Variants in SPSB4 observed in about 807,000 individuals in gnomAD.
The protein encoded by SPSB4 is SPRY domain-containing SOCS box protein 4.
Under a neutral mutation model 20.9 loss-of-function variants are expected in SPSB4, and 21 were observed. That is an observed-to-expected ratio of 1.01 (90% CI 0.71 to 1.45). The LOEUF (loss-of-function observed/expected upper bound fraction) is 1.45, where lower values mean the gene tolerates loss of function less well. SPSB4 is among the 40% of genes most tolerant of loss of function. The pLI, the probability that SPSB4 is intolerant of heterozygous loss-of-function variation, is 0.00. For synonymous variants in SPSB4, 207 were observed against 183.8 expected, an observed-to-expected ratio of 1.13 and a Z score of -1.02; for missense variants, 399 against 399.2, an observed-to-expected ratio of 1.00 and a Z score of 0.00.
At chr3:141,125,374 G>A (rs1255536126) in intron 2 of SPSB4, among the ~76,000 whole-genome samples, 2 of 152,188 alleles carry the variant, frequency 1.3e-5, no homozygotes, top group Non-Finnish European at 2.9e-5. Context: ...AATCAGACAG[G>A]AAGTGGCTGG....
At chr3:141,078,247 GAC>G (rs1379165578) in intron 2 of SPSB4, among the ~76,000 whole-genome samples, 2 of 152,226 alleles carry the variant, frequency 1.3e-5, no homozygotes, top group Non-Finnish European at 2.9e-5. Context: ...GCATGTGGAA[GAC>G]ACAGATCTCT....
chr3:141,098,038 G>C (rs1312702565), intron 2 of SPSB4, among the ~76,000 whole-genome samples: 3 of 152,148 alleles, frequency 2.0e-5, no homozygotes, highest in Non-Finnish European at 2.9e-5. Context: ...GGCCTGTCTG[G>C]TTCTCAAATC....
At chr3:141,057,640 C>T (rs1937679819) in intron 1 of SPSB4, among the ~76,000 whole-genome samples, 1 of 152,250 alleles carries the variant, frequency 6.6e-6, no homozygotes, top group African/African-American at 2.4e-5. Context: ...ACATCATGTC[C>T]CCTTGTGATA....
chr3:141,096,345 T>C (rs548581353), intron 2 of SPSB4, among the ~76,000 whole-genome samples: 39 of 152,346 alleles, frequency 2.6e-4, no homozygotes, highest in Admixed American at 2.6e-4. Context: ...CCTCCCATCA[T>C]CTGGACCTTA....
intron 2 of SPSB4, among the ~76,000 whole-genome samples, chr3:141,070,327 T>G (rs746308642): frequency 2.0e-4 from 31 of 152,130 alleles, no homozygotes; most frequent in Admixed American, 3.9e-4. Flanking sequence ...TGTTGTTGTT[T>G]TTTGTTTGTT....
At position 141,098,229 on chromosome 3, in the gene SPSB4, C is replaced by T. The variant is rs1174518033; in HGVS notation, c.694+31431C>T. Among the ~76,000 whole-genome samples, 3 of 152,316 alleles carry T rather than the reference C, an allele frequency of 2.0e-5. No individual in the cohort carries two copies. The East Asian group carries it at 5.8e-4, about 29-fold the overall frequency. ...AGCTGATAGGACCACTCCCACCTTA[C>T]TCCTCTTTGTTTTAGATGTTTCTGT... is the stretch of plus-strand genomic sequence containing the variant. On this transcript the variant is annotated intron_variant, in intron 2 of 2. Coordinates refer to ENST00000310546, the MANE Select transcript of SPSB4 (RefSeq NM_080862.3).
chr3:141,057,131 C>T (rs938121590), intron 1 of SPSB4, among the ~76,000 whole-genome samples: 1 of 152,168 alleles, frequency 6.6e-6, no homozygotes, highest in Admixed American at 6.5e-5. Flanking sequence ...TTTGTGAGCT[C>T]TTGGGGAAGA....
Position 141,094,619 on chromosome 3 carries a change from C to CT in SPSB4, c.694+27828dup, listed in dbSNP as rs1326926069. ...TTGGATATTGTGTTTACTCCTGGGC[C>CT]TTTTTTTAACCACCCCCAAAAGTCG... On this transcript the variant is annotated intron_variant, in intron 2 of 2. Transcript: ENST00000310546. 9.2e-5 allele frequency among the ~76,000 whole-genome samples: 14 copies of CT among 152,170 alleles called. No homozygotes were observed. In the South Asian group the frequency reaches 2.9e-3, roughly 32 times the overall value.
chr3:141,057,285 A>T lies in SPSB4; in HGVS notation c.-154+5293A>T, dbSNP rs373566208. 7.2e-5 allele frequency among the ~76,000 whole-genome samples: 11 copies of T among 152,340 alleles called. No homozygotes were observed. In the East Asian group the frequency reaches 1.2e-3, roughly 16 times the overall value. On this transcript the variant is annotated intron_variant, in intron 1 of 2. Coordinates refer to ENST00000310546, the MANE Select transcript of SPSB4 (RefSeq NM_080862.3). ...ATTCTGAATGAGCATCTTTAATAAA[A>T]CAGCCTCCCTACTTAATATTTGCAC...
chr3:141,128,588 C>T (rs1459396124), intron 2 of SPSB4, among the ~76,000 whole-genome samples: 1 of 152,130 alleles, frequency 6.6e-6, no homozygotes, highest in Non-Finnish European at 1.5e-5. Flanking sequence ...GGTGGAAGGG[C>T]AACGGGGTGC....
chr3:141,120,098 G>A (rs1203026950), intron 2 of SPSB4, among the ~76,000 whole-genome samples: 2 of 152,150 alleles, frequency 1.3e-5, no homozygotes, highest in East Asian at 3.8e-4. Context: ...GTGTCCCAGA[G>A]ATTCTGGTAC....
rs775144072 is a variant in SPSB4 at position 141,066,261 on chromosome 3, C to T, written c.157C>T (p.Arg53Trp). 1.3e-6 allele frequency: 2 copies of T among 1,546,752 alleles called. No homozygotes were observed. The highest frequency in any genetic ancestry group is 2.4e-5 in the South Asian group (2 of 82,966). Residue 53 changes from arginine (R) to tryptophan (W), a missense_variant, in exon 2 of 3, where the codon CGG (arginine) becomes TGG (tryptophan). Arg to Trp is a moderately radical substitution (Grantham distance 101). Coordinates refer to ENST00000310546, the MANE Select transcript of SPSB4 (RefSeq NM_080862.3). ...MPAAGLAVQL[R>W]HAWNPEDRSL... The stretch of plus-strand genomic sequence containing the variant: ...AGCGGCGGGGCTGGCTGTGCAGCTG[C>T]GGCACGCGTGGAACCCCGAGGACCG...
chr3:141,143,022 T>C lies in SPSB4; in HGVS notation c.695-4120T>C, dbSNP rs561048788. ...TAGTAGAAATGGGGTTTCACCGTGTTAGCCAGGATGGTCTCCATCTCCTGA... is the reference window on the plus strand; with the variant it reads ...TAGTAGAAATGGGGTTTCACCGTGTCAGCCAGGATGGTCTCCATCTCCTGA... On this transcript the variant is annotated intron_variant, in intron 2 of 2. Coordinates refer to ENST00000310546, the MANE Select transcript of SPSB4 (RefSeq NM_080862.3). Among the ~76,000 whole-genome samples the C allele has an allele frequency of 4.3e-4, 66 of 152,122 alleles. 1 individual carries two copies. Among genetic ancestry groups the C allele is most frequent in the Admixed American group, 1.0e-3 (16 of 15,276 alleles).
chr3:141,054,959 C>A (rs962589767), intron 1 of SPSB4, among the ~76,000 whole-genome samples: 2 of 73,732 alleles, frequency 2.7e-5, no homozygotes, highest in East Asian at 7.7e-4. Flanking sequence ...AGCGAGACTC[C>A]GTCTCAAAAA....
At chr3:141,135,563 A>G (rs1420927914) in intron 2 of SPSB4, among the ~76,000 whole-genome samples, 1 of 146,874 alleles carries the variant, frequency 6.8e-6, no homozygotes, top group Non-Finnish European at 1.5e-5. Flanking sequence ...TCATTGTTCA[A>G]TTCCCACCTA....
intron 2 of SPSB4, among the ~76,000 whole-genome samples, chr3:141,121,352 C>A (rs1387401427): frequency 1.3e-5 from 2 of 152,088 alleles, no homozygotes; most frequent in African/African-American, 4.8e-5. Context: ...ACATTTTTTC[C>A]TTCATTTCAA....
intron 2 of SPSB4, among the ~76,000 whole-genome samples, chr3:141,069,621 C>T (rs912673209): frequency 6.6e-6 from 1 of 152,172 alleles, no homozygotes; most frequent in Non-Finnish European, 1.5e-5. Flanking sequence ...CGGGGCACCT[C>T]ACAGAGCCGG....
intron 2 of SPSB4, among the ~76,000 whole-genome samples, chr3:141,118,906 T>C (rs890678157): frequency 1.3e-5 from 2 of 152,230 alleles, no homozygotes; most frequent in Non-Finnish European, 2.9e-5. Context: ...TGTAGTATAG[T>C]TTGAAGTCAG....
At chr3:141,146,684 G>C (rs540466123) in intron 2 of SPSB4, among the ~76,000 whole-genome samples, 1 of 151,710 alleles carries the variant, frequency 6.6e-6, no homozygotes, top group African/African-American at 2.4e-5. Context: ...TGAGGCAGGA[G>C]AATGGCGTGA....
Sources: gnomAD v4.1 joint callset for allele counts (sites outside exome capture counted in the v4.1 genomes callset) on GRCh38, gnomAD v4.1.1 for gene constraint, MANE v1.5 for transcripts, NCBI Gene and HGNC (gene_info 2026-07-23, HGNC 2026-07-21) for gene names.